CFAP20DC: variants seen among roughly 807,000 people sequenced by gnomAD.
The protein encoded by CFAP20DC is CFAP20 domain containing.
A neutral mutation model predicts 101.7 loss-of-function variants in CFAP20DC; 84 were observed. That is an observed-to-expected ratio of 0.83 (90% CI 0.69 to 0.99). CFAP20DC has a LOEUF of 0.99. Ranked by LOEUF, CFAP20DC falls within the 50% of genes least tolerant of loss-of-function variation. The pLI is 0.00. For synonymous variants in CFAP20DC, 359 were observed against 351.2 expected (o/e 1.02, Z -0.25); for missense variants, 1,007 against 970.3 (o/e 1.04, Z -0.50).
intron 4 of CFAP20DC, among the ~76,000 whole-genome samples, chr3:58,973,499 A>G (rs1451610258): frequency 6.6e-6 from 1 of 152,122 alleles, no homozygotes; most frequent in African/African-American, 2.4e-5. Context: ...TACCCTCAAG[A>G]GCATCCAGGA....
chr3:58,879,342 G>A (rs114849574), intron 7 of CFAP20DC, among the ~76,000 whole-genome samples: 2,491 of 152,264 alleles, frequency 0.016, 31 homozygotes, highest in Non-Finnish European at 0.026. Flanking sequence ...TAAAAAGGGT[G>A]ATTATGATGG....
intron 4 of CFAP20DC, among the ~76,000 whole-genome samples, chr3:59,031,378 A>T (rs2093991911): frequency 6.6e-6 from 1 of 152,214 alleles, no homozygotes; most frequent in African/African-American, 2.4e-5. Flanking sequence ...ATGGGTTGTT[A>T]AGGAGCTTAA....
chr3:58,842,924 G>T (rs573947000), intron 13 of CFAP20DC, among the ~76,000 whole-genome samples: 3 of 152,134 alleles, frequency 2.0e-5, no homozygotes, highest in African/African-American at 7.2e-5. Flanking sequence ...ACACGGCAGC[G>T]TATTCCAACA....
At chr3:58,908,723 T>C (rs868077487) in intron 6 of CFAP20DC, among the ~76,000 whole-genome samples, 5 of 152,188 alleles carry the variant, frequency 3.3e-5, no homozygotes, top group Admixed American at 2.0e-4. Context: ...GTTTTATTCA[T>C]AATTGCAAAA....
intron 5 of CFAP20DC, among the ~76,000 whole-genome samples, chr3:58,932,576 C>T (rs186344055): frequency 7.0e-4 from 107 of 152,252 alleles, no homozygotes; most frequent in Non-Finnish European, 1.2e-3. Flanking sequence ...GCTGTTCTCT[C>T]GGCAGAAACT....
chr3:58,943,085 A>C (rs1008468114), intron 4 of CFAP20DC, among the ~76,000 whole-genome samples: 1 of 152,230 alleles, frequency 6.6e-6, no homozygotes, highest in Non-Finnish European at 1.5e-5. Context: ...TCAGGCACTT[A>C]TAGATAAAAT....
chr3:58,888,583 T>C (rs2081869036), intron 6 of CFAP20DC, among the ~76,000 whole-genome samples: 2 of 152,110 alleles, frequency 1.3e-5, no homozygotes, highest in Admixed American at 1.3e-4. Flanking sequence ...TGACAAGCCC[T>C]AGTGTGTGTT....
chr3:58,833,876 G>C (rs1449078548), intron 13 of CFAP20DC, among the ~76,000 whole-genome samples: 2 of 152,130 alleles, frequency 1.3e-5, no homozygotes, highest in Non-Finnish European at 2.9e-5. Flanking sequence ...ATATTACTCA[G>C]CCTAAAGAGT....
chr3:58,741,984 T>C (rs1282422059), downstream of CFAP20DC: 13 of 708,152 alleles, frequency 1.8e-5, no homozygotes, highest in Non-Finnish European at 2.1e-5. Context: ...GTGGGGTGAA[T>C]GAAAAGAAGC....
At chr3:58,951,781 T>A (rs937084142) in intron 4 of CFAP20DC, among the ~76,000 whole-genome samples, 1 of 152,010 alleles carries the variant, frequency 6.6e-6, no homozygotes, top group Non-Finnish European at 1.5e-5. Context: ...AGGGGAGGGA[T>A]AACATTAGGA....
At chr3:58,977,285 G>A (rs115061378) in intron 4 of CFAP20DC, among the ~76,000 whole-genome samples, 341 of 152,284 alleles carry the variant, frequency 2.2e-3, no homozygotes, top group African/African-American at 8.0e-3. Flanking sequence ...AGCCTCTTTA[G>A]GATCTGTTCC....
At chr3:58,808,599 A>T (rs1046367203) in intron 14 of CFAP20DC, among the ~76,000 whole-genome samples, 4 of 152,220 alleles carry the variant, frequency 2.6e-5, no homozygotes, top group African/African-American at 4.8e-5. Context: ...AGTACCAGCC[A>T]CTGCAAAATC....
At chr3:58,836,632 C>A (rs904793730) in intron 13 of CFAP20DC, among the ~76,000 whole-genome samples, 3 of 152,090 alleles carry the variant, frequency 2.0e-5, no homozygotes, top group African/African-American at 7.2e-5. Context: ...CTGGAGCCTA[C>A]AAAATCTGTG....
chr3:59,015,799 CAA>C lies in CFAP20DC; in HGVS notation c.278+23756_278+23757del, dbSNP rs2093676231. Among the ~76,000 whole-genome samples, 3 of 152,098 alleles carry C rather than the reference CAA, an allele frequency of 2.0e-5. No individual in the cohort carries two copies. The highest frequency in any genetic ancestry group is 7.2e-5 in the African/African-American group (3 of 41,426). On this transcript the variant is annotated intron_variant, in intron 4 of 16. Transcript: ENST00000482387. This position sits in a 1 kb window ranked among gnomAD's most constrained non-coding sequence, Gnocchi z 5.4. The stretch of plus-strand genomic sequence containing the variant: ...ATGGTGGTCTGTTCCCAAGGCTAAA[CAA>C]AAGAGATGGAGGCTGTAGAGCTGGG...
chr3:59,015,709 C>T lies in CFAP20DC; in HGVS notation c.278+23848G>A, dbSNP rs1009736604. 3.3e-5 allele frequency among the ~76,000 whole-genome samples: 5 copies of T among 152,008 alleles called. No homozygotes were observed. The highest frequency in any genetic ancestry group is 7.2e-5 in the African/African-American group (3 of 41,412). On this transcript the variant is annotated intron_variant, in intron 4 of 16. Transcript: ENST00000482387. This position sits in a 1 kb window ranked among gnomAD's most constrained non-coding sequence, Gnocchi z 5.4. ...AAAAGTACATAATACAGTCTTAGAA[C>T]GAGGCCTCACAGACATCCAGACTTC... is the stretch of plus-strand genomic sequence containing the variant.
chr3:59,003,052 A>G (rs1386380011), intron 4 of CFAP20DC, among the ~76,000 whole-genome samples: 1 of 152,228 alleles, frequency 6.6e-6, no homozygotes, highest in African/African-American at 2.4e-5. Context: ...AAGAGATACC[A>G]GAGGGGGAGA....
rs1026592592 is a variant in CFAP20DC at position 58,722,350 on chromosome 3, T to C, written c.198-4722A>G. Among the ~76,000 whole-genome samples, 6 of 152,174 alleles carry C rather than the reference T, an allele frequency of 3.9e-5. No individual in the cohort carries two copies. The highest frequency in any genetic ancestry group is 1.3e-4 in the Admixed American group (2 of 15,278). On this transcript the variant is annotated intron_variant, in intron 3 of 3. Coordinates refer to the CFAP20DC transcript ENST00000486145. The surrounding 1 kb of genome is among the most constrained non-coding windows in gnomAD (Gnocchi z 4.5). ...GCGTGTACTACTATGGTAGTGGTCT[T>C]ATATCACTCAAGTTTGGGGTGGTTT... is the stretch of plus-strand genomic sequence containing the variant.
intron 14 of CFAP20DC, among the ~76,000 whole-genome samples, chr3:58,827,947 A>G (rs1349138836): frequency 1.3e-5 from 2 of 152,190 alleles, no homozygotes; most frequent in African/African-American, 2.4e-5. Flanking sequence ...CTTGTGGCAG[A>G]GAAGGTGTAT....
intron 6 of CFAP20DC, among the ~76,000 whole-genome samples, chr3:58,911,846 T>TA (rs1263032079): frequency 6.6e-6 from 1 of 152,114 alleles, no homozygotes; most frequent in Non-Finnish European, 1.5e-5. Flanking sequence ...TATATGGAGT[T>TA]AGAGCAGGAA....
Sources: gnomAD v4.1 joint callset for allele counts (sites outside exome capture counted in the v4.1 genomes callset) on GRCh38, gnomAD v4.1.1 for gene constraint, Gnocchi (gnomAD v3.1) non-coding constraint, MANE v1.5 for transcripts, NCBI Gene and HGNC (gene_info 2026-07-23, HGNC 2026-07-21) for gene names.